Variants in CCDC171 observed in about 807,000 individuals in gnomAD.
CCDC171 encodes the protein coiled-coil domain containing 171, also known as coiled-coil domain-containing protein 171.
CCDC171 carries 177 observed loss-of-function variants against 168.2 expected under a neutral mutation model. The observed-to-expected ratio is 1.05, with a 90% CI of 0.93 to 1.19. The LOEUF is 1.19. Among genes scored for constraint, CCDC171 ranks in the 50% most tolerant of loss-of-function variants. The pLI is 0.00. For synonymous variants in CCDC171, 687 were observed against 540.8 expected (o/e 1.27, Z -3.75); for missense variants, 1,991 against 1,539.0 (o/e 1.29, Z -4.91).
At chr9:15,711,294 A>G (rs1271798259) in intron 11 of CCDC171, among the ~76,000 whole-genome samples, 1 of 152,156 alleles carries the variant, frequency 6.6e-6, no homozygotes. Flanking sequence ...AAAATTGTAT[A>G]TTTTTAAAAA....
chr9:15,603,291 G>A (rs1279495113), intron 6 of CCDC171, among the ~76,000 whole-genome samples: 4 of 152,132 alleles, frequency 2.6e-5, no homozygotes, highest in African/African-American at 9.7e-5. Flanking sequence ...TGCAGGATGT[G>A]CAGGTTAGTT....
At chr9:16,105,726 G>C in the CCDC171 span, among the ~76,000 whole-genome samples, 1 of 152,170 alleles carries the variant, frequency 6.6e-6, no homozygotes, top group African/African-American at 2.4e-5. Flanking sequence ...GGGTTTTTCT[G>C]TTGGCCTCTA....
intron 21 of CCDC171, among the ~76,000 whole-genome samples, chr9:15,838,688 G>A (rs1043454532): frequency 2.6e-5 from 4 of 152,070 alleles, no homozygotes; most frequent in South Asian, 2.1e-4. Context: ...CACCTCAGCC[G>A]CCCAAAGTGC....
At chr9:15,708,694 C>T (rs1244959967) in intron 11 of CCDC171, among the ~76,000 whole-genome samples, 1 of 152,050 alleles carries the variant, frequency 6.6e-6, no homozygotes, top group Non-Finnish European at 1.5e-5. Flanking sequence ...ACATTGGTAG[C>T]AGTTCATACT....
chr9:16,052,719 T>C (rs183727998), intron 1 of CCDC171, among the ~76,000 whole-genome samples: 133 of 152,224 alleles, frequency 8.7e-4, no homozygotes, highest in Non-Finnish European at 1.6e-3. Context: ...AGCTCTGAAT[T>C]TGTCCTGTAT....
chr9:15,946,593 G>T (rs906830304), intron 25 of CCDC171, among the ~76,000 whole-genome samples: 8 of 151,972 alleles, frequency 5.3e-5, no homozygotes, highest in African/African-American at 1.7e-4. Flanking sequence ...TGGCCATACT[G>T]CCCAAGGTAA....
chr9:16,098,603 T>A, the CCDC171 span, among the ~76,000 whole-genome samples: 5 of 152,210 alleles, frequency 3.3e-5, no homozygotes, highest in South Asian at 1.0e-3. Flanking sequence ...ATGAAGTCGA[T>A]GAAATGAAAT....
intron 21 of CCDC171, among the ~76,000 whole-genome samples, chr9:15,840,725 C>T (rs2060643329): frequency 6.6e-6 from 1 of 152,034 alleles, no homozygotes; most frequent in Admixed American, 6.6e-5. Flanking sequence ...TTGTACTTTT[C>T]TGAGTATATT....
the CCDC171 span, among the ~76,000 whole-genome samples, chr9:16,105,210 T>A: frequency 6.6e-6 from 1 of 152,214 alleles, no homozygotes. Context: ...TGGATATTAA[T>A]CTTTCCCTGG....
chr9:15,680,996 C>A (rs1211127867), intron 10 of CCDC171, among the ~76,000 whole-genome samples: 1 of 152,112 alleles, frequency 6.6e-6, no homozygotes, highest in Admixed American at 6.6e-5. Flanking sequence ...TGGTTTAACT[C>A]ACCACAGAGC....
At chr9:15,823,628 A>G (rs1012424805) in intron 21 of CCDC171, among the ~76,000 whole-genome samples, 17 of 152,130 alleles carry the variant, frequency 1.1e-4, no homozygotes, top group African/African-American at 4.1e-4. Context: ...GACAATACGC[A>G]TGAGGACGCT....
intron 24 of CCDC171, among the ~76,000 whole-genome samples, chr9:15,883,441 GCCTTCTGTCTC>G (rs1818981910): frequency 6.6e-6 from 1 of 152,070 alleles, no homozygotes; most frequent in South Asian, 2.1e-4. Flanking sequence ...CTAAGGTAGT[GCCTTCTGTCTC>G]TCAACTCCTT....
In CCDC171 at chr9:15,796,750, C is replaced by T. The variant is rs1182908933; in HGVS notation, c.3267+12056C>T. Among the ~76,000 whole-genome samples, 3 of 152,124 alleles carry T rather than the reference C, an allele frequency of 2.0e-5. 1 individual carries two copies. The highest frequency in any genetic ancestry group is 7.2e-5 in the African/African-American group (3 of 41,442). ...TGGAGTGCACAGTGGTCTGAGCTCC[C>T]TCCTCAGCCCTGGGGTTGGGGAGGA... On this transcript the variant is annotated intron_variant, in intron 21 of 25. Coordinates refer to ENST00000380701, the MANE Select transcript of CCDC171 (RefSeq NM_173550.4).
At chr9:15,797,729 T>G (rs1273480774) in intron 21 of CCDC171, among the ~76,000 whole-genome samples, 1 of 152,164 alleles carries the variant, frequency 6.6e-6, no homozygotes, top group Non-Finnish European at 1.5e-5. Context: ...TAGTTGATCC[T>G]TTTTATATTT....
chr9:15,775,243 T>G (rs1018687267), intron 18 of CCDC171, among the ~76,000 whole-genome samples: 3 of 152,254 alleles, frequency 2.0e-5, no homozygotes, highest in African/African-American at 7.2e-5. Context: ...TGACTTTCAC[T>G]TCTTAAAAAT....
rs545111048 is a variant in CCDC171, at chr9:15,910,938, G to T, written c.3601-9332G>T. 9.2e-5 allele frequency among the ~76,000 whole-genome samples: 14 copies of T among 152,246 alleles called. No homozygotes were observed. In the South Asian group the frequency reaches 2.7e-3, roughly 29 times the overall value. ...ATATGTGCCACATTTTCTTTATCCA[G>T]TCTTCATTGATGGACATTTGGGTTG... On this transcript the variant is annotated intron_variant, in intron 24 of 25. Coordinates refer to ENST00000380701, the MANE Select transcript of CCDC171 (RefSeq NM_173550.4).
At chr9:15,923,100 A>G (rs546540582) in intron 25 of CCDC171, among the ~76,000 whole-genome samples, 14 of 151,366 alleles carry the variant, frequency 9.2e-5, no homozygotes, top group Middle Eastern at 3.4e-3. Context: ...TGTATTGCAT[A>G]TAATTTTTAA....
intron 24 of CCDC171, chr9:15,888,838 T>G (rs1435648605): frequency 1.3e-5 from 2 of 152,096 alleles, no homozygotes; most frequent in Non-Finnish European, 2.9e-5. Context: ...CTGCCCTAAT[T>G]TTGTGGCAAA....
intron 24 of CCDC171, among the ~76,000 whole-genome samples, chr9:15,899,282 T>C (rs776872206): frequency 6.6e-6 from 1 of 152,234 alleles, no homozygotes; most frequent in Non-Finnish European, 1.5e-5. Context: ...CTATTACATA[T>C]AAAGTTGCAT....
Sources: gnomAD v4.1 joint callset for allele counts (sites outside exome capture counted in the v4.1 genomes callset) on GRCh38, gnomAD v4.1.1 for gene constraint, MANE v1.5 for transcripts, NCBI Gene and HGNC (gene_info 2026-07-23, HGNC 2026-07-21) for gene names.